ABCD2: variants seen among roughly 807,000 people sequenced by gnomAD.
ABCD2 encodes ATP-binding cassette sub-family D member 2.
ABCD2 carries 36 observed loss-of-function variants against 70.9 expected under a neutral mutation model. The observed-to-expected ratio is 0.51, with a 90% CI of 0.39 to 0.67. ABCD2 has a LOEUF of 0.67. Ranked by LOEUF, ABCD2 falls within the 30% of genes least tolerant of loss-of-function variation. The pLI is 0.00. For synonymous variants in ABCD2, 304 were observed against 306.9 expected (o/e 0.99, Z 0.10); for missense variants, 729 against 890.2 (o/e 0.82, Z 2.30).
chr12:39,562,158 C>G (rs1941269369), intron 9 of ABCD2, among the ~76,000 whole-genome samples: 1 of 151,886 alleles, frequency 6.6e-6, no homozygotes, highest in Non-Finnish European at 1.5e-5. Context: ...AATGGAAACA[C>G]AACATACCAA....
chr12:39,569,530 T>A (rs1941415264), intron 9 of ABCD2, among the ~76,000 whole-genome samples: 1 of 152,160 alleles, frequency 6.6e-6, no homozygotes, highest in African/African-American at 2.4e-5. Context: ...CTGTCAACCC[T>A]TACTTTGAGT....
At chr12:39,607,819 T>C (rs1019157127) in intron 2 of ABCD2, 105 bp from the exon 3 acceptor site, 32 of 762,102 alleles carry the variant, frequency 4.2e-5, no homozygotes, top group Non-Finnish European at 6.6e-5. Flanking sequence ...AACAACCACA[T>C]ATTAATTTTT....
intron 9 of ABCD2, among the ~76,000 whole-genome samples, chr12:39,563,734 T>C (rs1941296953): frequency 6.6e-6 from 1 of 152,172 alleles, no homozygotes; most frequent in African/African-American, 2.4e-5. Flanking sequence ...CATTAACTCA[T>C]CATTTAACAT....
chr12:39,569,530 T>G (rs1941415264), intron 9 of ABCD2, among the ~76,000 whole-genome samples: 1 of 152,160 alleles, frequency 6.6e-6, no homozygotes, highest in African/African-American at 2.4e-5. Flanking sequence ...CTGTCAACCC[T>G]TACTTTGAGT....
At chr12:39,557,893 T>G (rs565023431) in intron 9 of ABCD2, among the ~76,000 whole-genome samples, 7 of 152,344 alleles carry the variant, frequency 4.6e-5, no homozygotes, top group Admixed American at 2.6e-4. Context: ...AGAGCCCTTA[T>G]GGAGAACCAT....
At chr12:39,610,302 C>T (rs1942028222) in intron 2 of ABCD2, among the ~76,000 whole-genome samples, 2 of 152,088 alleles carry the variant, frequency 1.3e-5, no homozygotes, top group South Asian at 4.1e-4. Flanking sequence ...GATAATCACT[C>T]CTCTAGAGAA....
the ABCD2 span, among the ~76,000 whole-genome samples, chr12:39,531,354 A>G: frequency 6.6e-6 from 1 of 152,212 alleles, no homozygotes; most frequent in Admixed American, 6.5e-5. Flanking sequence ...GGAGGTGATT[A>G]AATCATGAGA....
intron 8 of ABCD2, 66 bp from the exon 9 acceptor site, chr12:39,573,907 A>T: frequency 6.8e-7 from 1 of 1,476,552 alleles, no homozygotes; most frequent in South Asian, 1.3e-5. Context: ...TCTTTGGACA[A>T]TATGAGTTGC....
intron 6 of ABCD2, among the ~76,000 whole-genome samples, chr12:39,598,769 T>C (rs1016532740): frequency 4.6e-5 from 7 of 152,222 alleles, no homozygotes; most frequent in African/African-American, 7.2e-5. Flanking sequence ...ATAGGTTGCA[T>C]AGCAGCTTTC....
At chr12:39,606,685 C>T (rs1022688522) in intron 3 of ABCD2, among the ~76,000 whole-genome samples, 5 of 152,090 alleles carry the variant, frequency 3.3e-5, no homozygotes, top group Non-Finnish European at 7.4e-5. Context: ...TCAAGGCTGA[C>T]TTAATATGCA....
At chr12:39,568,599 G>A (rs1039983801) in intron 9 of ABCD2, among the ~76,000 whole-genome samples, 1 of 152,084 alleles carries the variant, frequency 6.6e-6, no homozygotes, top group African/African-American at 2.4e-5. Flanking sequence ...GGAGTAGTTT[G>A]ATCATCTGAA....
chr12:39,619,675 G>T lies in ABCD2; in HGVS notation c.-60C>A. 2 of 1,436,612 alleles carry T rather than the reference G, an allele frequency of 1.4e-6. No homozygotes were observed. Among genetic ancestry groups the T allele is most frequent in the Non-Finnish European group, 1.9e-6 (2 of 1,059,956 alleles). The allele number at this position is 1,436,612 out of a possible 1,614,324, so 89.0% of individuals were successfully genotyped here. On this transcript the variant is annotated 5_prime_UTR_variant, in exon 1 of 10. In the 5' UTR this introduces an upstream ATG that the reference lacks. Coordinates refer to ENST00000308666, the MANE Select transcript of ABCD2 (RefSeq NM_005164.4). ...TCGTTTTAAAAGATCATGCTTCACAGAAATCCCCAGCAAATGTTTTAGAAA... is the reference window on the plus strand; with the variant it reads ...TCGTTTTAAAAGATCATGCTTCACATAAATCCCCAGCAAATGTTTTAGAAA...
chr12:39,553,898 T>C lies in ABCD2; in HGVS notation c.*14A>G, dbSNP rs1941123246. On this transcript the variant is annotated 3_prime_UTR_variant, in exon 10 of 10. Transcript: ENST00000308666. ...TTTATCTAATAATTAACTTTTAAAA[T>C]ATGTCAAAACAAATTAAGATGTCTC... 1 of 1,575,666 alleles carries C rather than the reference T, an allele frequency of 6.3e-7. No individual in the cohort carries two copies. The highest frequency in any genetic ancestry group is 1.4e-5 in the African/African-American group (1 of 73,628).
chr12:39,605,595 A>G (rs1042488221), intron 3 of ABCD2, among the ~76,000 whole-genome samples: 7 of 152,124 alleles, frequency 4.6e-5, no homozygotes, highest in African/African-American at 1.7e-4. Flanking sequence ...ACAAAGCTCA[A>G]TGGAATGGTG....
Position 39,557,891 on chromosome 12 carries a change from T to G in ABCD2, c.2004-3760A>C, listed in dbSNP as rs1228679385. 2.6e-5 allele frequency among the ~76,000 whole-genome samples: 4 copies of G among 152,194 alleles called. 1 individual carries two copies. The highest frequency in any genetic ancestry group is 5.9e-5 in the Non-Finnish European group (4 of 68,034). ...AAGTTTGCTGCAGGGTCAGAGCCCT[T>G]ATGGAGAACCATTGCTAGGGTAGTG... is the stretch of plus-strand genomic sequence containing the variant. On this transcript the variant is annotated intron_variant, in intron 9 of 9. Transcript: ENST00000308666.
the ABCD2 span, among the ~76,000 whole-genome samples, chr12:39,531,920 G>A: frequency 2.6e-5 from 4 of 152,370 alleles, no homozygotes; most frequent in East Asian, 3.9e-4. Context: ...AGAAGACTGA[G>A]GAGAGCACTG....
At chr12:39,560,023 T>TA (rs1205655849) in intron 9 of ABCD2, among the ~76,000 whole-genome samples, 2 of 152,212 alleles carry the variant, frequency 1.3e-5, no homozygotes, top group African/African-American at 4.8e-5. Flanking sequence ...TTCTTTTTTT[T>TA]ATTATACTTT....
intron 2 of ABCD2, 74 bp from the exon 3 acceptor site, chr12:39,607,788 T>C (rs117080949): frequency 0.017 from 16,189 of 973,368 alleles, 198 homozygotes; most frequent in Non-Finnish European, 0.02. Flanking sequence ...TTTTATATTA[T>C]ACAAACTAAA....
chr12:39,590,784 T>G (rs1366693548), intron 6 of ABCD2, among the ~76,000 whole-genome samples: 1 of 151,888 alleles, frequency 6.6e-6, no homozygotes, highest in African/African-American at 2.4e-5. Context: ...AATGTATTGA[T>G]GTTTGTTAGA....
Sources: allele counts gnomAD v4.1 joint callset (sites outside exome capture counted in the v4.1 genomes callset), GRCh38; gene constraint gnomAD v4.1.1; transcripts MANE v1.5; gene names NCBI Gene and HGNC (gene_info 2026-07-23, HGNC 2026-07-21).